The following LRRK2 variants were observed in gnomAD, a reference collection of about 807,000 sequenced individuals.
LRRK2 encodes the protein leucine-rich repeat serine/threonine-protein kinase 2.
In LRRK2, 203 loss-of-function variants were observed where a neutral mutation model predicts 302.6. The observed-to-expected ratio is 0.67, with a 90% confidence interval of 0.60 to 0.75. The LOEUF (loss-of-function observed/expected upper bound fraction) is 0.75. Among genes scored for constraint, LRRK2 ranks in the 30% least tolerant of loss-of-function variants. LRRK2 has a pLI of 0.00. For missense variants in LRRK2, 2,830 were observed against 2,951.0 expected, an observed-to-expected ratio of 0.96 and a Z score of 0.95; for synonymous variants, 1,066 against 1,031.9, an observed-to-expected ratio of 1.03 and a Z score of -0.63.
intron 40 of LRRK2, among the ~76,000 whole-genome samples, chr12:40,337,852 G>T (rs1945920943): frequency 6.6e-6 from 1 of 152,122 alleles, no homozygotes; most frequent in Non-Finnish European, 1.5e-5. Flanking sequence ...GTGATGACAG[G>T]CTTGAATTTT....
intron 19 of LRRK2, among the ~76,000 whole-genome samples, chr12:40,286,903 G>A (rs1943945861): frequency 6.6e-6 from 1 of 152,036 alleles, no homozygotes; most frequent in Non-Finnish European, 1.5e-5. Context: ...AGCAGTTTAT[G>A]TGTTCTATGC....
At chr12:40,225,812 C>G (rs2136367637) in intron 2 of LRRK2, among the ~76,000 whole-genome samples, 172 bp downstream of exon 2, 1 of 152,214 alleles carries the variant, frequency 6.6e-6, no homozygotes. Flanking sequence ...GCAATGTAAA[C>G]GGGATGAAGA....
chr12:40,254,397 T>C (rs1177400462), intron 11 of LRRK2, among the ~76,000 whole-genome samples: 1 of 152,154 alleles, frequency 6.6e-6, no homozygotes, highest in African/African-American at 2.4e-5. Context: ...AATAAAACGC[T>C]TGGAGTGGCC....
chr12:40,243,796 AT>A, intron 7 of LRRK2, 115 bp downstream of exon 7: 1 of 1,024,262 alleles, frequency 9.8e-7, no homozygotes, highest in Non-Finnish European at 1.4e-6. Context: ...TTGAATGAAA[AT>A]ATTGTAAAAT....
In LRRK2 at chr12:40,305,895, T is replaced by A. The variant is rs767484970; in HGVS notation, c.3888T>A (p.Asp1296Glu). ...NEMGKLSKIWDLPLDELHLNF... is the reference protein window; with the variant it reads ...NEMGKLSKIWELPLDELHLNF... ...TGGGGAAATTAAGCAAAATATGGGATCTTCCTTTGGATGAACTGCATCTTA... is the reference window on the plus strand; with the variant it reads ...TGGGGAAATTAAGCAAAATATGGGAACTTCCTTTGGATGAACTGCATCTTA... The change falls in exon 28 of 51, where the codon GAT (aspartate) becomes GAA (glutamate). Residue 1296 changes from aspartate to glutamate, a missense_variant. Physicochemically the swap from Asp to Glu is conservative, Grantham distance 45. Transcript: ENST00000298910. The A allele has an allele frequency of 6.2e-7, 1 of 1,613,526 alleles. No homozygotes were observed. Among genetic ancestry groups the A allele is most frequent in the Admixed American group, 1.7e-5 (1 of 59,952 alleles).
At chr12:40,352,648 G>T (rs1347961136) in intron 44 of LRRK2, among the ~76,000 whole-genome samples, 1 of 148,080 alleles carries the variant, frequency 6.8e-6, no homozygotes, top group African/African-American at 2.5e-5. Context: ...TTGAGATTAG[G>T]GAGTAGTGAT....
chr12:40,334,889 T>C lies in LRRK2; in HGVS notation c.5758-78T>C. 2.0e-6 allele frequency: 3 copies of C among 1,465,434 alleles called. No homozygotes were observed. The East Asian group carries it at 6.8e-5, about 33-fold the overall frequency. The allele number at this position is 1,465,434 out of a possible 1,614,324, so 90.8% of individuals were successfully genotyped here. A position where few individuals can be genotyped will look rare whatever the true frequency, so the allele number is the denominator to read the frequency against. On this transcript the variant is annotated intron_variant, in intron 39 of 50. Coordinates refer to ENST00000298910, the MANE Select transcript of LRRK2 (RefSeq NM_198578.4). ...TACAGAGAAATCCATGTTCAGCCTG[T>C]TGATGCACTTTAAAGAAGGAGATAC...
intron 44 of LRRK2, among the ~76,000 whole-genome samples, chr12:40,353,436 A>G (rs1946429307): frequency 6.6e-6 from 1 of 151,028 alleles, no homozygotes; most frequent in Non-Finnish European, 1.5e-5. Flanking sequence ...GCGGCCGGGC[A>G]GAGCCGCTCA....
intron 13 of LRRK2, among the ~76,000 whole-genome samples, chr12:40,262,560 G>A (rs1942821715): frequency 6.6e-6 from 1 of 152,028 alleles, no homozygotes; most frequent in African/African-American, 2.4e-5. Flanking sequence ...ATGAGATTAT[G>A]GATACTGCTC....
chr12:40,233,792 C>A (rs1272750699), intron 3 of LRRK2, among the ~76,000 whole-genome samples: 1 of 152,182 alleles, frequency 6.6e-6, no homozygotes, highest in Non-Finnish European at 1.5e-5. Flanking sequence ...AATTAAATTA[C>A]ATAAAAGTTT....
intron 14 of LRRK2, among the ~76,000 whole-genome samples, chr12:40,271,455 G>T (rs1183448926): frequency 6.6e-6 from 1 of 152,050 alleles, no homozygotes; most frequent in Non-Finnish European, 1.5e-5. Context: ...AATATTTATG[G>T]ATTCTCTGAA....
intron 27 of LRRK2, chr12:40,304,474 T>C: frequency 3.6e-6 from 1 of 279,178 alleles, no homozygotes. Context: ...AACAGCTAGA[T>C]ATAAATTTGT....
chr12:40,335,062 CA>C lies in LRRK2; in HGVS notation c.5855del (p.Lys1952ArgfsTer27). On this transcript the variant is annotated frameshift_variant, in exon 40 of 51. Coordinates refer to ENST00000298910, the MANE Select transcript of LRRK2 (RefSeq NM_198578.4). LOFTEE classifies it high-confidence loss of function. The part of the protein sequence containing the change: ...PRMLVMELAS[K>X]GSLDRLLQQD... ...GGATGTTGGTGATGGAGTTAGCCTC[CA>C]AGGGTTCCTTGGATCGCCTGCTTCA... The C allele has an allele frequency of 6.2e-7, 1 of 1,614,108 alleles. No individual in the cohort carries two copies. The highest frequency in any genetic ancestry group is 8.5e-7 in the Non-Finnish European group (1 of 1,179,992).
intron 18 of LRRK2, 75 bp downstream of exon 18, chr12:40,278,336 T>C: frequency 6.6e-7 from 1 of 1,523,226 alleles, no homozygotes; most frequent in Admixed American, 1.7e-5. Context: ...ATTGTGTATC[T>C]CTTACTTATA....
rs77201783 is a variant in LRRK2, at chr12:40,238,193, G to T, written c.571+90G>T. ...AGAACACAGTTATAATAAGAAGAAG[G>T]TTTCTAAAATCCTACTATTTATTAA... On this transcript the variant is annotated intron_variant, in intron 5 of 50. Coordinates refer to ENST00000298910, the MANE Select transcript of LRRK2 (RefSeq NM_198578.4). 9.7e-6 allele frequency: 13 copies of T among 1,337,510 alleles called. No homozygotes were observed. The African/African-American group carries it at 1.3e-4, about 14-fold the overall frequency. 82.9% of individuals were successfully genotyped at this position (1,337,510 alleles called of 1,614,324 possible). A position where few individuals can be genotyped will look rare whatever the true frequency, so the allele number is the denominator to read the frequency against.
At position 40,284,044 on chromosome 12, in the gene LRRK2, G is replaced by A; in HGVS notation, c.2411G>A (p.Cys804Tyr). 6.2e-7 allele frequency: 1 copy of A among 1,613,770 alleles called. No homozygotes were observed. Among genetic ancestry groups the A allele is most frequent in the Non-Finnish European group, 8.5e-7 (1 of 1,179,762 alleles). The change falls in exon 19 of 51, where the codon TGC becomes TAC. Residue 804 changes from cysteine to tyrosine, a missense_variant. Physicochemically the swap from Cys to Tyr is radical, Grantham distance 194. Coordinates refer to ENST00000298910, the MANE Select transcript of LRRK2 (RefSeq NM_198578.4). ...LALDVANNSI[C>Y]LGGFCIGKVE... ...CTGGATGTGGCCAACAATAGCATTTGCCTTGGAGGATTTTGTATAGGAAAA... is the reference window on the plus strand; with the variant it reads ...CTGGATGTGGCCAACAATAGCATTTACCTTGGAGGATTTTGTATAGGAAAA...
intron 25 of LRRK2, 78 bp from the exon 26 acceptor site, chr12:40,302,711 G>A: frequency 2.0e-6 from 2 of 979,960 alleles, no homozygotes; most frequent in Non-Finnish European, 3.3e-6. Context: ...CACACTATTG[G>A]TAGCTGTTCT....
chr12:40,320,216 C>T (rs1592283613), intron 34 of LRRK2, 41 bp downstream of exon 34: 2 of 1,467,338 alleles, frequency 1.4e-6, no homozygotes, highest in African/African-American at 1.4e-5. Context: ...CATGGAAATT[C>T]ACTATCTATT....
At chr12:40,364,538 G>T (rs1265053544) in intron 48 of LRRK2, among the ~76,000 whole-genome samples, 1 of 151,158 alleles carries the variant, frequency 6.6e-6, no homozygotes. Flanking sequence ...TTTATCCTGG[G>T]CACATGTATG....
Sources: gnomAD v4.1 joint callset for allele counts (sites outside exome capture counted in the v4.1 genomes callset) on GRCh38, gnomAD v4.1.1 for gene constraint, MANE v1.5 for transcripts, NCBI Gene and HGNC (gene_info 2026-07-23, HGNC 2026-07-21) for gene names.